The following NAV3 variants were observed in gnomAD, a reference collection of about 807,000 sequenced individuals.
The protein encoded by NAV3 is pore membrane and/or filament interacting like protein 1.
A neutral mutation model predicts 244.7 loss-of-function variants in NAV3; 87 were observed. The observed-to-expected ratio is 0.36, with a 90% CI of 0.30 to 0.42. The LOEUF (loss-of-function observed/expected upper bound fraction) is 0.42, where lower values mean the gene tolerates loss of function less well. Among genes scored for constraint, NAV3 ranks in the 20% least tolerant of loss-of-function variants. The pLI is 1.00. For missense variants in NAV3, 2,663 were observed against 2,893.3 expected (o/e 0.92, Z 1.83); for synonymous variants, 1,126 against 1,042.2 (o/e 1.08, Z -1.55).
In NAV3 at chr12:77,728,624, G is replaced by C. The variant is rs74106527; in HGVS notation, c.72+156358G>C. Among the ~76,000 whole-genome samples, 1,221 of 151,988 alleles carry C rather than the reference G, an allele frequency of 8.0e-3. 16 individuals carry two copies. Among genetic ancestry groups the C allele is most frequent in the African/African-American group, 0.028 (1,164 of 41,512 alleles). On this transcript the variant is annotated intron_variant, in intron 2 of 8. Coordinates refer to the NAV3 transcript ENST00000550042. ...TAAGAGTGAGGGAGGAAATGCACAG[G>C]TTTATGGCTGGAGAAGTACAGTAGA...
At chr12:77,900,572 A>G (rs1216111438) in intron 1 of NAV3, among the ~76,000 whole-genome samples, 1 of 151,122 alleles carries the variant, frequency 6.6e-6, no homozygotes, top group Non-Finnish European at 1.5e-5. Context: ...GCACACGCGT[A>G]TGTGTGTGTG....
At chr12:77,716,402 T>A (rs1047995097) in intron 2 of NAV3, among the ~76,000 whole-genome samples, 1 of 151,784 alleles carries the variant, frequency 6.6e-6, no homozygotes, top group Non-Finnish European at 1.5e-5. Context: ...AAGAGAAAAA[T>A]TATTAAAAAT....
At chr12:77,931,987 T>C (rs1479138742) in intron 1 of NAV3, among the ~76,000 whole-genome samples, 1 of 152,068 alleles carries the variant, frequency 6.6e-6, no homozygotes, top group East Asian at 1.9e-4. Context: ...CCTATAATGA[T>C]GGCCAGCTCA....
Position 78,188,596 on chromosome 12 carries a change from T to C in NAV3, c.5887-13T>C, listed in dbSNP as rs746150105. Reference sequence around the variant, plus strand: ...CTCTGTTTTGATTTTATTTTTTGTGTGTACCATTGTAGGAATATGTATTCC... The same window carrying C: ...CTCTGTTTTGATTTTATTTTTTGTGCGTACCATTGTAGGAATATGTATTCC... On this transcript the variant is annotated splice_polypyrimidine_tract_variant and intron_variant, in intron 32 of 39. Transcript: ENST00000397909. 1.9e-6 allele frequency: 3 copies of C among 1,606,432 alleles called. No individual in the cohort carries two copies. Among genetic ancestry groups the C allele is most frequent in the African/African-American group, 1.3e-5 (1 of 74,642 alleles).
At position 78,021,993 on chromosome 12, in the gene NAV3, A is replaced by C; in HGVS notation, c.2023+131A>C. ...ATGGACTATATACATCTCATGCTTC[A>C]AAGATCATTAACTATTTGGCTATTC... On this transcript the variant is annotated intron_variant, in intron 9 of 39. Coordinates refer to ENST00000397909, the MANE Select transcript of NAV3 (RefSeq NM_001024383.2). 3 of 418,380 alleles carry C rather than the reference A, an allele frequency of 7.2e-6. No individual in the cohort carries two copies. The East Asian group carries it at 1.1e-4, about 16-fold the overall frequency. The allele number at this position is 418,380 out of a possible 1,614,324, so 25.9% of individuals were successfully genotyped here. A position where few individuals can be genotyped will look rare whatever the true frequency, so the allele number is the denominator to read the frequency against.
intron 1 of NAV3, among the ~76,000 whole-genome samples, chr12:77,935,315 G>C (rs537494320): frequency 2.6e-5 from 4 of 152,192 alleles, no homozygotes; most frequent in African/African-American, 9.6e-5. Flanking sequence ...CTTCTCAAAA[G>C]AAATATGGTA....
chr12:77,816,536 A>G (rs111440412), intron 2 of NAV3, among the ~76,000 whole-genome samples: 2 of 152,316 alleles, frequency 1.3e-5, no homozygotes, highest in African/African-American at 4.8e-5. Flanking sequence ...AGGTAAAGCC[A>G]CCAGGTAGCT....
chr12:77,666,118 A>G (rs2137056134), intron 2 of NAV3, among the ~76,000 whole-genome samples: 1 of 145,886 alleles, frequency 6.9e-6, no homozygotes, highest in Non-Finnish European at 1.5e-5. Context: ...TCCATCTTCC[A>G]CTCTTTCAGG....
intron 9 of NAV3, among the ~76,000 whole-genome samples, chr12:78,030,662 A>G (rs1878823870): frequency 6.6e-6 from 1 of 152,144 alleles, no homozygotes; most frequent in South Asian, 2.1e-4. Context: ...AAAATTTGGG[A>G]AAACAAATGT....
chr12:77,703,423 C>T (rs1875648952), intron 2 of NAV3, among the ~76,000 whole-genome samples: 1 of 152,062 alleles, frequency 6.6e-6, no homozygotes, highest in Non-Finnish European at 1.5e-5. Flanking sequence ...ATCCATTCTT[C>T]AGGTGTGAGG....
chr12:77,951,836 G>T (rs1042000363), intron 3 of NAV3, among the ~76,000 whole-genome samples: 1 of 151,924 alleles, frequency 6.6e-6, no homozygotes, highest in East Asian at 1.9e-4. Context: ...ACCAAATTCT[G>T]CATATTCTCA....
intron 3 of NAV3, among the ~76,000 whole-genome samples, chr12:77,944,361 C>A (rs1002623539): frequency 6.6e-6 from 1 of 152,078 alleles, no homozygotes; most frequent in Non-Finnish European, 1.5e-5. Flanking sequence ...GTGTTGGTGT[C>A]CAGTTGAATG....
chr12:77,879,568 A>G (rs556781011), intron 1 of NAV3, among the ~76,000 whole-genome samples: 158 of 150,612 alleles, frequency 1.0e-3, no homozygotes, highest in Non-Finnish European at 1.7e-3. Context: ...CCAGCTACTC[A>G]GGAGGCTGAG....
At chr12:78,121,848 GCA>G in intron 15 of NAV3, 90 bp from the exon 16 acceptor site, 1 of 1,494,824 alleles carries the variant, frequency 6.7e-7, no homozygotes, top group African/African-American at 1.4e-5. Flanking sequence ...GTACATCAAA[GCA>G]CACTTGGCTC....
In NAV3 at chr12:78,177,223, C is replaced by T; in HGVS notation, c.5207C>T (p.Thr1736Ile). 2 of 1,613,550 alleles carry T rather than the reference C, an allele frequency of 1.2e-6. No homozygotes were observed. Among genetic ancestry groups the T allele is most frequent in the Non-Finnish European group, 1.7e-6 (2 of 1,179,620 alleles). ...PSSHSDIEEL[T>I]DSSLPASPKL... is the part of the protein sequence containing the mutation. ...TCACATTCTGACATTGAAGAGCTTA[C>T]TGATTCATCCCTTCCGGCATCCCCC... Residue 1736 changes from threonine (T) to isoleucine (I), a missense_variant, in exon 27 of 40, where the codon ACT becomes ATT. Thr to Ile is a moderately conservative substitution (Grantham distance 89). Transcript: ENST00000397909.
At chr12:77,790,282 T>G (rs1871125566) in intron 2 of NAV3, among the ~76,000 whole-genome samples, 1 of 152,206 alleles carries the variant, frequency 6.6e-6, no homozygotes, top group Admixed American at 6.5e-5. Context: ...ATCTTTTGAC[T>G]CACCAGAAAA....
At chr12:78,188,916 C>A in intron 33 of NAV3, 139 bp downstream of exon 33, 3 of 655,350 alleles carry the variant, frequency 4.6e-6, no homozygotes, top group Non-Finnish European at 5.0e-6. Context: ...CAATATGACT[C>A]ATTTCATACC....
chr12:78,079,456 CT>C (rs1246960726), intron 12 of NAV3, among the ~76,000 whole-genome samples: 3 of 152,084 alleles, frequency 2.0e-5, no homozygotes, highest in Non-Finnish European at 4.4e-5. Context: ...AGCAAAAAGG[CT>C]GTATTTTTTG....
chr12:78,189,560 CCA>C, intron 33 of NAV3, among the ~76,000 whole-genome samples: 1 of 135,068 alleles, frequency 7.4e-6, no homozygotes, highest in Admixed American at 7.2e-5. Flanking sequence ...ACACACACAC[CCA>C]TATATATATA....
Sources: gnomAD v4.1 joint callset for allele counts (sites outside exome capture counted in the v4.1 genomes callset) on GRCh38, gnomAD v4.1.1 for gene constraint, MANE v1.5 for transcripts, NCBI Gene and HGNC (gene_info 2026-07-23, HGNC 2026-07-21) for gene names.